The following UBASH3B variants were observed in gnomAD, a reference collection of about 807,000 sequenced individuals.
UBASH3B encodes the protein ubiquitin-associated and SH3 domain-containing protein B.
UBASH3B carries 37 observed loss-of-function variants against 83.4 expected under a neutral mutation model. That is an observed-to-expected ratio of 0.44 (90% confidence interval 0.34 to 0.58). The LOEUF is 0.58. Ranked by LOEUF, UBASH3B falls within the 20% of genes least tolerant of loss-of-function variation. The pLI is 0.01. For missense variants in UBASH3B, 657 were observed against 827.2 expected (o/e 0.79, Z 2.52); for synonymous variants, 304 against 318.3 (o/e 0.96, Z 0.48).
intron 1 of UBASH3B, among the ~76,000 whole-genome samples, chr11:122,768,189 C>A (rs572228000): frequency 6.6e-6 from 1 of 152,212 alleles, no homozygotes; most frequent in African/African-American, 2.4e-5. Flanking sequence ...CATTGCTTAA[C>A]TGAGAAAGTA....
chr11:122,776,261 A>G lies in UBASH3B; in HGVS notation c.204A>G (p.Ala68=), dbSNP rs778410330. 48 of 1,606,852 alleles carry G rather than the reference A, an allele frequency of 3.0e-5. No homozygotes were observed. The highest frequency in any genetic ancestry group is 3.7e-5 in the Non-Finnish European group (43 of 1,177,490). The change falls in exon 2 of 14, where the codon GCA becomes GCG. Residue 68 remains alanine (A), a synonymous_variant. Transcript: ENST00000284273. ...LASTGGRSVQ[A]ACDWLFSHVG... is the part of the protein sequence containing the mutation. ...CCACGGGAGGAAGAAGTGTTCAGGC[A>G]GCATGTGACTGGTTGGTATGAGATA...
At position 122,656,073 on chromosome 11, in the gene UBASH3B, T is replaced by C. The variant is rs748655872; in HGVS notation, c.24T>C (p.Ser8=). Residue 8 remains serine, a synonymous_variant, in exon 1 of 14, where the codon AGT becomes AGC. Transcript: ENST00000284273. The part of the protein sequence containing the change: MAQYGHP[S]PLGMAAREEL... ...CCATGGCTCAGTACGGCCACCCCAG[T>C]CCGCTCGGCATGGCTGCGAGAGAGG... The C allele has an allele frequency of 5.6e-6, 9 of 1,599,314 alleles. No individual in the cohort carries two copies. The highest frequency in any genetic ancestry group is 7.7e-6 in the Non-Finnish European group (9 of 1,174,368).
intron 1 of UBASH3B, among the ~76,000 whole-genome samples, chr11:122,708,970 G>C (rs1050773098): frequency 6.6e-6 from 1 of 152,216 alleles, no homozygotes; most frequent in Non-Finnish European, 1.5e-5. Context: ...TTCATGGTCA[G>C]GTACGGTGGT....
At position 122,809,742 on chromosome 11, in the gene UBASH3B, AC is replaced by A. The variant is rs768049912; in HGVS notation, c.1813-6del. On this transcript the variant is annotated splice_polypyrimidine_tract_variant and splice_region_variant and intron_variant, in intron 13 of 13. Coordinates refer to ENST00000284273, the MANE Select transcript of UBASH3B (RefSeq NM_032873.5). ...AATATCCCCTTTCTTTACGACTCTT[AC>A]TTCAGATCCCATATCTGGGATTTTG... The A allele has an allele frequency of 6.2e-7, 1 of 1,614,020 alleles. No individual in the cohort carries two copies. The highest frequency in any genetic ancestry group is 2.2e-5 in the East Asian group (1 of 44,876).
At chr11:122,722,650 A>G (rs1288438306) in intron 1 of UBASH3B, among the ~76,000 whole-genome samples, 1 of 152,106 alleles carries the variant, frequency 6.6e-6, no homozygotes, top group African/African-American at 2.4e-5. Context: ...AATTCTTCAC[A>G]TGAAAGTCTG....
chr11:122,773,646 C>T (rs927478290), intron 1 of UBASH3B, among the ~76,000 whole-genome samples: 4 of 152,182 alleles, frequency 2.6e-5, no homozygotes, highest in Non-Finnish European at 5.9e-5. Flanking sequence ...TCTCAGATCT[C>T]GGCTTTTCAG....
At chr11:122,657,517 G>A (rs1275946927) in intron 1 of UBASH3B, among the ~76,000 whole-genome samples, 2 of 152,132 alleles carry the variant, frequency 1.3e-5, no homozygotes, top group Admixed American at 6.5e-5. Context: ...TCGAACTCCT[G>A]ACCTCAGGTG....
intron 1 of UBASH3B, among the ~76,000 whole-genome samples, chr11:122,752,534 T>C (rs1260500323): frequency 1.3e-5 from 2 of 152,198 alleles, no homozygotes; most frequent in Non-Finnish European, 2.9e-5. Context: ...CAAAATGAAG[T>C]AGCAGCTTCC....
intron 4 of UBASH3B, among the ~76,000 whole-genome samples, chr11:122,781,452 G>T (rs552279135): frequency 6.6e-6 from 1 of 152,236 alleles, no homozygotes; most frequent in Non-Finnish European, 1.5e-5. Context: ...AGCCAGGGCC[G>T]CACAGATTCT....
intron 7 of UBASH3B, among the ~76,000 whole-genome samples, 167 bp downstream of exon 7, chr11:122,795,001 A>G (rs1226617432): frequency 1.3e-5 from 2 of 152,234 alleles, no homozygotes; most frequent in African/African-American, 2.4e-5. Flanking sequence ...GGCTAGGAAG[A>G]GTCAGATGAG....
At position 122,808,190 on chromosome 11, in the gene UBASH3B, G is replaced by A. The variant is rs1234406854; in HGVS notation, c.1812+14G>A. The A allele has an allele frequency of 2.1e-5, 34 of 1,604,668 alleles. No individual in the cohort carries two copies. Among genetic ancestry groups the A allele is most frequent in the Middle Eastern group, 1.7e-4 (1 of 5,990 alleles). On this transcript the variant is annotated intron_variant, in intron 13 of 13. Coordinates refer to ENST00000284273, the MANE Select transcript of UBASH3B (RefSeq NM_032873.5). ...ATGGTCCGAAAGGTAATTCATTCTC[G>A]TACTTTGGGGTCCGTGATGGCTAGT...
At chr11:122,715,578 C>T (rs1860507325) in intron 1 of UBASH3B, among the ~76,000 whole-genome samples, 1 of 152,214 alleles carries the variant, frequency 6.6e-6, no homozygotes, top group South Asian at 2.1e-4. Context: ...GCTGGAGAAA[C>T]ACGGATCCGA....
At chr11:122,796,085 C>T in intron 7 of UBASH3B, 71 bp from the exon 8 acceptor site, 4 of 1,587,144 alleles carry the variant, frequency 2.5e-6, no homozygotes, top group South Asian at 2.3e-5. Flanking sequence ...CTCAGCTCAC[C>T]TGGCACCTGG....
At chr11:122,723,007 G>A (rs1322836953) in intron 1 of UBASH3B, among the ~76,000 whole-genome samples, 1 of 152,140 alleles carries the variant, frequency 6.6e-6, no homozygotes, top group Non-Finnish European at 1.5e-5. Context: ...GCCCGGCCCA[G>A]ACCTGGTATT....
intron 1 of UBASH3B, among the ~76,000 whole-genome samples, chr11:122,707,430 G>A (rs897747143): frequency 6.6e-6 from 1 of 152,118 alleles, no homozygotes; most frequent in Non-Finnish European, 1.5e-5. Flanking sequence ...CCTCTGGGCT[G>A]CCCAAGCACC....
chr11:122,659,622 T>A (rs542158621), intron 1 of UBASH3B, among the ~76,000 whole-genome samples: 11 of 152,308 alleles, frequency 7.2e-5, no homozygotes, highest in African/African-American at 2.6e-4. Flanking sequence ...ATCAGAAGCT[T>A]CTCTCTTGAG....
intron 1 of UBASH3B, among the ~76,000 whole-genome samples, chr11:122,703,688 T>C (rs1005862310): frequency 6.6e-6 from 1 of 152,218 alleles, no homozygotes; most frequent in Non-Finnish European, 1.5e-5. Flanking sequence ...ATAAATATAA[T>C]GTATTGTTTT....
In UBASH3B at chr11:122,789,919, A is replaced by G. The variant is rs1861021646; in HGVS notation, c.980+611A>G. Among the ~76,000 whole-genome samples the G allele has an allele frequency of 2.6e-5, 4 of 152,016 alleles. No homozygotes were observed. In the South Asian group the frequency reaches 6.2e-4, roughly 24 times the overall value. On this transcript the variant is annotated intron_variant, in intron 6 of 13. Transcript: ENST00000284273. Reference sequence around the variant, plus strand: ...GGTAATAACTTTCCACCCGTCCCTCATTACTATTTTGCCCCCATTCCATAC... The same window carrying G: ...GGTAATAACTTTCCACCCGTCCCTCGTTACTATTTTGCCCCCATTCCATAC...
At chr11:122,777,339 G>A in intron 3 of UBASH3B, 129 bp downstream of exon 3, 1 of 1,000,282 alleles carries the variant, frequency 1.0e-6, no homozygotes, top group Middle Eastern at 3.3e-4. Context: ...ACAGCTGGAG[G>A]GACCTTCAAG....
Sources: allele counts gnomAD v4.1 joint callset (sites outside exome capture counted in the v4.1 genomes callset), GRCh38; gene constraint gnomAD v4.1.1; transcripts MANE v1.5; gene names NCBI Gene and HGNC (gene_info 2026-07-23, HGNC 2026-07-21).